The following COL22A1 variants were observed in gnomAD, a reference collection of about 807,000 sequenced individuals.
COL22A1 encodes collagen type XXII alpha 1 chain, also known as collagen alpha-1(XXII) chain.
Under a neutral mutation model 248.9 loss-of-function variants are expected in COL22A1, and 221 were observed. That is an observed-to-expected ratio of 0.89 (90% confidence interval 0.80 to 0.99). The LOEUF (loss-of-function observed/expected upper bound fraction) is 0.99. Ranked by LOEUF, COL22A1 falls within the 50% of genes least tolerant of loss-of-function variation. COL22A1 has a pLI of 0.00. For synonymous variants in COL22A1, 891 were observed against 793.4 expected, an observed-to-expected ratio of 1.12 and a Z score of -2.07; for missense variants, 2,240 against 2,179.0, an observed-to-expected ratio of 1.03 and a Z score of -0.56.
At chr8:138,660,053 C>A (rs79544989) in intron 44 of COL22A1, among the ~76,000 whole-genome samples, 1 of 152,184 alleles carries the variant, frequency 6.6e-6, no homozygotes, top group Non-Finnish European at 1.5e-5. Flanking sequence ...GAATGTCTCC[C>A]GGGCTGGCTT....
At chr8:138,912,948 TA>T (rs1164463502) in intron 1 of COL22A1, among the ~76,000 whole-genome samples, 1 of 152,094 alleles carries the variant, frequency 6.6e-6, no homozygotes, top group Admixed American at 6.5e-5. Flanking sequence ...CATTTTCCAA[TA>T]ACACAGCTAA....
intron 10 of COL22A1, 147 bp downstream of exon 10, chr8:138,807,621 A>T: frequency 1.4e-6 from 1 of 709,994 alleles, no homozygotes; most frequent in African/African-American, 1.8e-5. Flanking sequence ...ACTTTATGAC[A>T]TTTGCTCTTA....
intron 37 of COL22A1, among the ~76,000 whole-genome samples, chr8:138,688,312 G>C (rs2130876043): frequency 6.6e-6 from 1 of 152,172 alleles, no homozygotes; most frequent in South Asian, 2.1e-4. Context: ...CTTGAGTCCA[G>C]GAGTTTGAGA....
chr8:138,613,827 G>A (rs1482152116), intron 56 of COL22A1, 40 bp downstream of exon 56: 2 of 1,554,364 alleles, frequency 1.3e-6, no homozygotes, highest in Non-Finnish European at 1.8e-6. Flanking sequence ...AAAAGGTCCT[G>A]TAATAACATG....
rs563118070 is a variant in COL22A1, at chr8:138,838,705, A to T, written c.733+5379T>A. Among the ~76,000 whole-genome samples the T allele has an allele frequency of 9.2e-5, 14 of 152,238 alleles. No individual in the cohort carries two copies. In the South Asian group the frequency reaches 2.9e-3, roughly 32 times the overall value. ...AAAAGATAAATTGCCCAAAATAAAT[A>T]AGGGCTGGGAAGGAGAATAAAAAAT... On this transcript the variant is annotated intron_variant, in intron 4 of 64. Coordinates refer to ENST00000303045, the MANE Select transcript of COL22A1 (RefSeq NM_152888.3).
chr8:138,652,278 A>G (rs1338203579), intron 45 of COL22A1, among the ~76,000 whole-genome samples: 3 of 152,234 alleles, frequency 2.0e-5, no homozygotes, highest in Non-Finnish European at 4.4e-5. Context: ...TCATGGCTTC[A>G]TCTCCCTGAG....
chr8:138,857,162 C>A (rs1182943265), intron 3 of COL22A1, among the ~76,000 whole-genome samples: 2 of 152,074 alleles, frequency 1.3e-5, no homozygotes, highest in African/African-American at 4.8e-5. Context: ...TCTGCTGACC[C>A]CATGCCCACC....
intron 23 of COL22A1, among the ~76,000 whole-genome samples, chr8:138,735,909 G>A (rs182168120): frequency 2.7e-3 from 415 of 152,242 alleles, no homozygotes; most frequent in African/African-American, 9.5e-3. Flanking sequence ...CAGTGTGACC[G>A]CCACCCCGGG....
At chr8:138,715,622 C>T (rs1829370256) in intron 30 of COL22A1, 60 bp downstream of exon 30, 1 of 1,159,678 alleles carries the variant, frequency 8.6e-7, no homozygotes, top group African/African-American at 1.6e-5. Flanking sequence ...AAAATCTCTT[C>T]CTTTAGAAAA....
intron 2 of COL22A1, among the ~76,000 whole-genome samples, chr8:138,880,664 A>T (rs940373903): frequency 1.3e-5 from 2 of 152,208 alleles, no homozygotes; most frequent in Non-Finnish European, 2.9e-5. Flanking sequence ...CCTTAGCAGG[A>T]CTGATCCCTA....
At chr8:138,594,973 G>T (rs1817402829) in intron 62 of COL22A1, among the ~76,000 whole-genome samples, 1 of 152,106 alleles carries the variant, frequency 6.6e-6, no homozygotes, top group Non-Finnish European at 1.5e-5. Flanking sequence ...TGCTGGTCTG[G>T]CAGCCTTTCA....
rs1824367534 is a variant in COL22A1 at position 138,883,110 on chromosome 8, C to G, written c.63G>C (p.Gly21=). Residue 21 remains glycine (G), a synonymous_variant, in exon 2 of 65, where the codon GGG becomes GGC. Coordinates refer to ENST00000303045, the MANE Select transcript of COL22A1 (RefSeq NM_152888.3). ...CCCGCTGAGCCTGGCAGCCGCCGCC[C>G]CCACTCCACAGCAGCAGCATCCAGA... The part of the protein sequence containing the change: ...GLLWMLLLWS[G]GGGCQAQRAG... The G allele has an allele frequency of 6.3e-7, 1 of 1,596,556 alleles. No homozygotes were observed. Among genetic ancestry groups the G allele is most frequent in the Non-Finnish European group, 8.5e-7 (1 of 1,172,840 alleles).
chr8:138,823,946 G>A (rs79217844), intron 6 of COL22A1, among the ~76,000 whole-genome samples: 5,222 of 152,270 alleles, frequency 0.034, 222 homozygotes, highest in African/African-American at 0.096. Context: ...AGGTGCTCAC[G>A]TAGTGCAGGG....
chr8:138,718,796 CAT>C (rs1829642755), intron 27 of COL22A1, among the ~76,000 whole-genome samples: 1 of 152,198 alleles, frequency 6.6e-6, no homozygotes, highest in Non-Finnish European at 1.5e-5. Flanking sequence ...AAAAATGACA[CAT>C]GAGATAAAGC....
intron 23 of COL22A1, among the ~76,000 whole-genome samples, chr8:138,726,474 G>A (rs762222156): frequency 7.3e-6 from 1 of 136,106 alleles, no homozygotes; most frequent in Non-Finnish European, 1.5e-5. Flanking sequence ...TCTGGCCTGG[G>A]TGCAGAGCAA....
chr8:138,640,240 T>G (rs1022359183), intron 47 of COL22A1, among the ~76,000 whole-genome samples: 1 of 152,216 alleles, frequency 6.6e-6, no homozygotes, highest in African/African-American at 2.4e-5. Flanking sequence ...ATTACATTTT[T>G]CCAGAACCAT....
At position 138,654,694 on chromosome 8, in the gene COL22A1, G is replaced by A. The variant is rs73721909; in HGVS notation, c.3333+1203C>T. On this transcript the variant is annotated intron_variant, in intron 45 of 64. Coordinates refer to ENST00000303045, the MANE Select transcript of COL22A1 (RefSeq NM_152888.3). ...TATAGACCTTACCTCTCTCTCCCTC[G>A]TTCACAGCCTTTCACAGCTCTCAAC... Among the ~76,000 whole-genome samples the A allele has an allele frequency of 4.9e-3, 751 of 152,142 alleles. 4 individuals carry two copies. The highest frequency in any genetic ancestry group is 0.016 in the African/African-American group (666 of 41,492).
At position 138,862,042 on chromosome 8, in the gene COL22A1, A is replaced by AAG. The variant is rs912739846; in HGVS notation, c.658+15707_658+15708insCT. 5.4e-5 allele frequency among the ~76,000 whole-genome samples: 8 copies of AAG among 147,406 alleles called. No homozygotes were observed. In the East Asian group the frequency reaches 7.8e-4, roughly 14 times the overall value. On this transcript the variant is annotated intron_variant, in intron 3 of 64. Coordinates refer to ENST00000303045, the MANE Select transcript of COL22A1 (RefSeq NM_152888.3). ...TGTCTCTACTAAAAAAAAAAAAAAA[A>AAG]AAAAAGAAAAAAAGAAAAAAAGAAA...
intron 5 of COL22A1, among the ~76,000 whole-genome samples, chr8:138,827,830 C>T (rs1189792315): frequency 6.6e-6 from 1 of 151,812 alleles, no homozygotes; most frequent in East Asian, 1.9e-4. Context: ...GAGCTCCCTC[C>T]TGCCTCTTGC....
Sources: gnomAD v4.1 joint callset for allele counts (sites outside exome capture counted in the v4.1 genomes callset) on GRCh38, gnomAD v4.1.1 for gene constraint, MANE v1.5 for transcripts, NCBI Gene and HGNC (gene_info 2026-07-23, HGNC 2026-07-21) for gene names.